The following USP8 variants were observed in gnomAD, a reference collection of about 807,000 sequenced individuals.
USP8 encodes ubiquitin specific peptidase 8, also known as ubiquitin carboxyl-terminal hydrolase 8.
A neutral mutation model predicts 130.0 loss-of-function variants in USP8; 27 were observed. That is an observed-to-expected ratio of 0.21 (90% confidence interval 0.15 to 0.29). USP8 has a LOEUF of 0.29. Ranked by LOEUF, USP8 falls within the 10% of genes least tolerant of loss-of-function variation. The pLI, the probability that USP8 is intolerant of heterozygous loss-of-function variation, is 1.00. For missense variants in USP8, 1,029 were observed against 1,312.2 expected (o/e 0.78, Z 3.33); for synonymous variants, 392 against 444.1 (o/e 0.88, Z 1.48).
intron 4 of USP8, among the ~76,000 whole-genome samples, chr15:50,456,270 G>A (rs193058724): frequency 7.7e-4 from 117 of 152,192 alleles, no homozygotes; most frequent in African/African-American, 2.7e-3. Flanking sequence ...ATTGCTAAGC[G>A]TAAAGATAGA....
At chr15:50,484,398 A>G (rs1425341860) in intron 12 of USP8, 37 bp downstream of exon 12, 2 of 1,509,016 alleles carry the variant, frequency 1.3e-6, no homozygotes, top group Admixed American at 1.7e-5. Flanking sequence ...TGGAAAAAAA[A>G]GCCAAACATG....
In USP8 at chr15:50,507,635, T is replaced by C. The variant is rs1005366391; in HGVS notation, c.*8547T>C. ...AAATGACAGAACTATAGGGAAGTTT[T>C]GACAAGTCTACCATCATAATGGAAG... On this transcript the variant is annotated 3_prime_UTR_variant, in exon 20 of 20. Coordinates refer to ENST00000307179, the MANE Select transcript of USP8 (RefSeq NM_005154.5). The C allele has an allele frequency of 1.6e-4, 24 of 152,286 alleles. No individual in the cohort carries two copies. The highest frequency in any genetic ancestry group is 5.5e-4 in the African/African-American group (23 of 41,552). 9.4% of individuals were successfully genotyped at this position (152,286 alleles called of 1,614,324 possible). A position where few individuals can be genotyped will look rare whatever the true frequency, so the allele number is the denominator to read the frequency against.
intron 4 of USP8, among the ~76,000 whole-genome samples, chr15:50,457,438 G>C (rs548537741): frequency 1.3e-5 from 2 of 151,760 alleles, no homozygotes; most frequent in South Asian, 4.2e-4. Context: ...CACACCGGTA[G>C]TCCCAGCTAC....
chr15:50,471,471 A>G (rs888844701), intron 7 of USP8, among the ~76,000 whole-genome samples, 162 bp from the exon 8 acceptor site: 1 of 152,234 alleles, frequency 6.6e-6, no homozygotes, highest in Non-Finnish European at 1.5e-5. Context: ...TAAACATGTT[A>G]GGCTGTTTAA....
At position 50,504,159 on chromosome 15, in the gene USP8, A is replaced by G. The variant is rs2052627043; in HGVS notation, c.*5071A>G. ...TAACAACTATTTACATAGTATTTAT[A>G]TTGTATTAGATATTATAAGTAATCC... On this transcript the variant is annotated 3_prime_UTR_variant, in exon 20 of 20. Transcript: ENST00000307179. The G allele has an allele frequency of 6.6e-6, 1 of 152,218 alleles. No individual in the cohort carries two copies. Among genetic ancestry groups the G allele is most frequent in the Non-Finnish European group, 1.5e-5 (1 of 68,040 alleles). 9.4% of individuals were successfully genotyped at this position (152,218 alleles called of 1,614,324 possible).
chr15:50,509,900 AAAT>A lies in USP8; in HGVS notation c.*10814_*10816del, dbSNP rs1246297425. On this transcript the variant is annotated 3_prime_UTR_variant, in exon 20 of 20. Coordinates refer to ENST00000307179, the MANE Select transcript of USP8 (RefSeq NM_005154.5). ...AATTGACAAGGGCCAGGAATAATCG[AAAT>A]ACTACTGAAAAATAAGAATAAAGTT... The A allele has an allele frequency of 6.6e-6, 1 of 152,140 alleles. No individual in the cohort carries two copies. Among genetic ancestry groups the A allele is most frequent in the Non-Finnish European group, 1.5e-5 (1 of 68,030 alleles). The allele number at this position is 152,140 out of a possible 1,614,324, so 9.4% of individuals were successfully genotyped here. A position where few individuals can be genotyped will look rare whatever the true frequency, so the allele number is the denominator to read the frequency against.
chr15:50,472,597 GAAAAAAAA>G (rs572914472), intron 8 of USP8, among the ~76,000 whole-genome samples: 2 of 109,010 alleles, frequency 1.8e-5, no homozygotes, highest in African/African-American at 3.4e-5. Flanking sequence ...ACTCTGTCTG[GAAAAAAAA>G]AAAAAAAAAA....
chr15:50,440,028 C>G (rs1168629209), intron 2 of USP8, among the ~76,000 whole-genome samples: 1 of 151,928 alleles, frequency 6.6e-6, no homozygotes, highest in Non-Finnish European at 1.5e-5. Context: ...TGCAGTGAGT[C>G]AAGATTGCAC....
At chr15:50,430,270 C>T (rs945648457) in intron 1 of USP8, among the ~76,000 whole-genome samples, 7 of 152,086 alleles carry the variant, frequency 4.6e-5, no homozygotes, top group African/African-American at 1.7e-4. Context: ...TCGCTTGAAC[C>T]GGGGAGGTGG....
chr15:50,429,249 C>G (rs2049848593), intron 1 of USP8, among the ~76,000 whole-genome samples: 1 of 148,934 alleles, frequency 6.7e-6, no homozygotes, highest in South Asian at 2.1e-4. Flanking sequence ...GAAATAATTA[C>G]ACATTATAAT....
At chr15:50,495,253 TATACATAC>T (rs1426827229) in intron 16 of USP8, among the ~76,000 whole-genome samples, 1 of 89,752 alleles carries the variant, frequency 1.1e-5, no homozygotes, top group South Asian at 3.4e-4. Flanking sequence ...TACGTGTATA[TATACATAC>T]ATATATACAC....
At chr15:50,480,903 G>A (rs992502294) in intron 10 of USP8, among the ~76,000 whole-genome samples, 4 of 152,104 alleles carry the variant, frequency 2.6e-5, no homozygotes, top group Non-Finnish European at 5.9e-5. Context: ...CATGGTCTTA[G>A]CCTGTGGTAG....
At position 50,479,728 on chromosome 15, in the gene USP8, A is replaced by T. The variant is rs182359233; in HGVS notation, c.1219-1753A>T. Among the ~76,000 whole-genome samples, 612 of 151,886 alleles carry T rather than the reference A, an allele frequency of 4.0e-3. 5 individuals are homozygous for T. The highest frequency in any genetic ancestry group is 0.014 in the African/African-American group (583 of 41,482). ...AGAAAGAGAAGTGAACAGGAAAAAA[A>T]TTATTTTTTCTACACTAACCTCGTT... On this transcript the variant is annotated intron_variant, in intron 10 of 19. Transcript: ENST00000307179.
intron 1 of USP8, among the ~76,000 whole-genome samples, chr15:50,429,806 A>C (rs2049871889): frequency 3.3e-5 from 5 of 152,220 alleles, no homozygotes. Context: ...TCTAACATAC[A>C]GCTGGGATTG....
Position 50,495,917 on chromosome 15 carries a change from G to T in USP8, c.2728G>T (p.Ala910Ser). 1 of 1,613,792 alleles carries T rather than the reference G, an allele frequency of 6.2e-7. No homozygotes were observed. Among genetic ancestry groups the T allele is most frequent in the South Asian group, 1.1e-5 (1 of 91,066 alleles). ...HLDDFKAAEH[A>S]WQKHKQLNES... Reference sequence around the variant, plus strand: ...CGATGACTTTAAAGCTGCAGAACATGCCTGGCAGAAACACAAGCAGCTCAA... The same window carrying T: ...CGATGACTTTAAAGCTGCAGAACATTCCTGGCAGAAACACAAGCAGCTCAA... The change falls in exon 17 of 20, where the codon GCC becomes TCC. Residue 910 changes from alanine (A) to serine (S), a missense_variant. This residue lies in a region of USP8 where 257 missense variants were observed against 429.8 expected (regional missense o/e 0.60). Coordinates refer to ENST00000307179, the MANE Select transcript of USP8 (RefSeq NM_005154.5).
chr15:50,462,404 T>G, intron 6 of USP8, 82 bp downstream of exon 6: 1 of 1,256,948 alleles, frequency 8.0e-7, no homozygotes, highest in Non-Finnish European at 1.1e-6. Context: ...TTTTATACAA[T>G]GAGATTCTTA....
rs534295089 is a variant in USP8 at position 50,499,862 on chromosome 15, T to A, written c.*774T>A. 1 of 152,290 alleles carries A rather than the reference T, an allele frequency of 6.6e-6. No homozygotes were observed. The highest frequency in any genetic ancestry group is 2.4e-5 in the African/African-American group (1 of 41,566). The allele number at this position is 152,290 out of a possible 1,614,324, so 9.4% of individuals were successfully genotyped here. A position where few individuals can be genotyped will look rare whatever the true frequency, so the allele number is the denominator to read the frequency against. On this transcript the variant is annotated 3_prime_UTR_variant, in exon 20 of 20. Coordinates refer to ENST00000307179, the MANE Select transcript of USP8 (RefSeq NM_005154.5). ...CCATAGATTTTATATACACACGTGC[T>A]ATATAATAACACCCAGAGTCATTCT...
chr15:50,443,549 T>C (rs1468413283), intron 3 of USP8, among the ~76,000 whole-genome samples: 2 of 152,074 alleles, frequency 1.3e-5, no homozygotes, highest in African/African-American at 4.8e-5. Context: ...GGTAGCTCAA[T>C]CTCGGCTCAC....
chr15:50,473,327 TA>T (rs1336193291), intron 8 of USP8, among the ~76,000 whole-genome samples: 1 of 152,220 alleles, frequency 6.6e-6, no homozygotes, highest in African/African-American at 2.4e-5. Flanking sequence ...TCATGTAATT[TA>T]AATCTTCTGT....
Sources: gnomAD v4.1 joint callset for allele counts (sites outside exome capture counted in the v4.1 genomes callset) on GRCh38, gnomAD v4.1.1 for gene constraint, gnomAD v4.1.1 regional missense constraint, MANE v1.5 for transcripts, NCBI Gene and HGNC (gene_info 2026-07-23, HGNC 2026-07-21) for gene names.